The following NCOA3 variants were observed in gnomAD, a reference collection of about 807,000 sequenced individuals.
The protein encoded by NCOA3 is nuclear receptor coactivator 3.
NCOA3 carries 51 observed loss-of-function variants against 158.8 expected under a neutral mutation model. The ratio of observed to expected loss-of-function variants is 0.32; its 90% CI spans 0.26 to 0.41. The LOEUF (loss-of-function observed/expected upper bound fraction) is 0.41. Ranked by LOEUF, NCOA3 falls within the 10% of genes least tolerant of loss-of-function variation. The pLI is 1.00. For synonymous variants in NCOA3, 537 were observed against 592.4 expected, an observed-to-expected ratio of 0.91 and a Z score of 1.36; for missense variants, 1,510 against 1,746.6, an observed-to-expected ratio of 0.86 and a Z score of 2.41.
chr20:47,567,403 T>C (rs59165219), intron 1 of NCOA3, among the ~76,000 whole-genome samples: 1,849 of 151,904 alleles, frequency 0.012, 36 homozygotes, highest in African/African-American at 0.041. Context: ...TTCTTTCTTT[T>C]TTTTTTTTAA....
At chr20:47,514,156 T>C (rs1454604887) in intron 1 of NCOA3, among the ~76,000 whole-genome samples, 4 of 152,038 alleles carry the variant, frequency 2.6e-5, no homozygotes, top group Non-Finnish European at 4.4e-5. Context: ...GTCAACATTT[T>C]CTTTTTTTTT....
At chr20:47,649,159 G>GC in intron 19 of NCOA3, 50 bp downstream of exon 19, 1 of 1,213,244 alleles carries the variant, frequency 8.2e-7, no homozygotes, top group Non-Finnish European at 1.2e-6. Context: ...TCAGGACAGG[G>GC]CTTGGCCTGT....
At chr20:47,535,722 G>A (rs1274420472) in intron 1 of NCOA3, among the ~76,000 whole-genome samples, 2 of 152,004 alleles carry the variant, frequency 1.3e-5, no homozygotes, top group South Asian at 2.1e-4. Flanking sequence ...TGGCCAAGAT[G>A]GTCTTGATCT....
chr20:47,638,540 G>T (rs12480335), intron 13 of NCOA3, among the ~76,000 whole-genome samples: 8 of 151,738 alleles, frequency 5.3e-5, no homozygotes, highest in Admixed American at 4.6e-4. Context: ...AATTAAGAGT[G>T]GGGGGGAAAA....
intron 3 of NCOA3, 32 bp from the exon 4 acceptor site, chr20:47,623,879 C>T: frequency 6.3e-7 from 1 of 1,590,380 alleles, no homozygotes; most frequent in Non-Finnish European, 8.5e-7. Flanking sequence ...TATTATGTCT[C>T]CTTTCCCCCC....
intron 1 of NCOA3, among the ~76,000 whole-genome samples, chr20:47,546,649 A>C (rs1254385053): frequency 6.6e-6 from 1 of 151,028 alleles, no homozygotes; most frequent in African/African-American, 2.4e-5. Flanking sequence ...CTTCTGCCTC[A>C]GCCTCTCGAG....
intron 18 of NCOA3, 133 bp downstream of exon 18, chr20:47,647,499 G>C (rs1183226758): frequency 1.2e-6 from 1 of 828,306 alleles, no homozygotes; most frequent in Non-Finnish European, 1.8e-6. Flanking sequence ...TTCTGTGTAA[G>C]GTTTTATTTG....
Position 47,636,513 on chromosome 20 carries a change from C to T in NCOA3, c.2127C>T (p.Asp709=), listed in dbSNP as rs894705132. ...AKITAEATGK[D]TSSITSCGDG... ...TTACTGCAGAAGCCACTGGGAAAGA[C>T]ACCAGCAGTATAACTTCTTGTGGGG... The change falls in exon 12 of 23, where the codon GAC becomes GAT. Residue 709 remains aspartate (D), a synonymous_variant. Transcript: ENST00000371998. 12 of 1,614,080 alleles carry T rather than the reference C, an allele frequency of 7.4e-6. No homozygotes were observed. Among genetic ancestry groups the T allele is most frequent in the Non-Finnish European group, 1.0e-5 (12 of 1,180,044 alleles).
intron 10 of NCOA3, among the ~76,000 whole-genome samples, chr20:47,634,474 C>T (rs1247930223): frequency 6.6e-6 from 1 of 152,178 alleles, no homozygotes; most frequent in East Asian, 1.9e-4. Flanking sequence ...TCTTACCACT[C>T]ATTTCTGATA....
chr20:47,539,422 A>G lies in NCOA3; in HGVS notation c.-99+37403A>G, dbSNP rs149016455. On this transcript the variant is annotated intron_variant, in intron 1 of 22. Transcript: ENST00000371998. ...GGAGGTATCTGTTTTGTTTACTGCT[A>G]TATCCTTAGTGCTCAGAATGGTGGC... is the stretch of plus-strand genomic sequence containing the variant. Among the ~76,000 whole-genome samples the G allele has an allele frequency of 4.9e-3, 752 of 152,342 alleles. 7 individuals carry two copies. Among genetic ancestry groups the G allele is most frequent in the African/African-American group, 0.017 (718 of 41,584 alleles).
chr20:47,624,207 C>A, intron 4 of NCOA3, 124 bp downstream of exon 4: 1 of 732,854 alleles, frequency 1.4e-6, no homozygotes, highest in Non-Finnish European at 2.2e-6. Flanking sequence ...CAGGATGATT[C>A]AAGCACATTA....
intron 1 of NCOA3, among the ~76,000 whole-genome samples, chr20:47,560,786 G>C (rs1237954741): frequency 1.3e-5 from 2 of 151,850 alleles, no homozygotes; most frequent in Non-Finnish European, 2.9e-5. Context: ...GTAAATTCTC[G>C]ATGTGTTAAA....
intron 1 of NCOA3, among the ~76,000 whole-genome samples, chr20:47,570,860 AAAC>A (rs1279852612): frequency 6.6e-6 from 1 of 151,064 alleles, no homozygotes; most frequent in African/African-American, 2.4e-5. Context: ...ATGGGCGTGA[AAAC>A]AACATTAATC....
At chr20:47,629,054 A>G (rs1028043693) in intron 8 of NCOA3, among the ~76,000 whole-genome samples, 3 of 152,154 alleles carry the variant, frequency 2.0e-5, no homozygotes, top group African/African-American at 7.2e-5. Flanking sequence ...TAATTTTACA[A>G]TGTGGACTTT....
chr20:47,524,287 C>T (rs1299689647), intron 1 of NCOA3, among the ~76,000 whole-genome samples: 2 of 152,118 alleles, frequency 1.3e-5, no homozygotes, highest in East Asian at 3.8e-4. Context: ...TACCTGTTTC[C>T]CTGAACTGTA....
chr20:47,538,610 T>C (rs2084672479), intron 1 of NCOA3, among the ~76,000 whole-genome samples: 1 of 152,052 alleles, frequency 6.6e-6, no homozygotes, highest in African/African-American at 2.4e-5. Flanking sequence ...TGACCTCAGC[T>C]CACTGCAACC....
At chr20:47,628,063 A>G (rs771117258) in intron 8 of NCOA3, 40 bp downstream of exon 8, 6 of 1,447,366 alleles carry the variant, frequency 4.1e-6, no homozygotes, top group South Asian at 1.2e-5. Context: ...CTCTGTGTAT[A>G]CGTACATTTT....
intron 1 of NCOA3, among the ~76,000 whole-genome samples, chr20:47,546,676 C>G (rs551710281): frequency 1.3e-5 from 2 of 152,186 alleles, no homozygotes; most frequent in East Asian, 3.9e-4. Flanking sequence ...GGATTACAGG[C>G]ATGTGCTACC....
At chr20:47,638,241 C>T (rs557703934) in intron 13 of NCOA3, among the ~76,000 whole-genome samples, 1 of 152,210 alleles carries the variant, frequency 6.6e-6, no homozygotes, top group East Asian at 1.9e-4. Flanking sequence ...TGTGTGTTGA[C>T]TTCATCAATT....
Sources: allele counts gnomAD v4.1 joint callset (sites outside exome capture counted in the v4.1 genomes callset), GRCh38; gene constraint gnomAD v4.1.1; transcripts MANE v1.5; gene names NCBI Gene and HGNC (gene_info 2026-07-23, HGNC 2026-07-21).